Variants in NEBL observed in about 807,000 individuals in gnomAD.
NEBL encodes the protein LIM and SH3 protein 2.
In NEBL, 122 loss-of-function variants were observed where a neutral mutation model predicts 140.2. The ratio of observed to expected loss-of-function variants is 0.87; its 90% CI spans 0.75 to 1.01. The LOEUF (loss-of-function observed/expected upper bound fraction) is 1.01, where lower values mean the gene tolerates loss of function less well. Among genes scored for constraint, NEBL ranks in the 50% least tolerant of loss-of-function variants. NEBL has a pLI of 0.00. For missense variants in NEBL, 1,365 were observed against 1,231.3 expected (o/e 1.11, Z -1.62); for synonymous variants, 436 against 398.9 (o/e 1.09, Z -1.11).
chr10:21,144,778 C>T (rs1448681882), intron 2 of NEBL, among the ~76,000 whole-genome samples: 3 of 151,874 alleles, frequency 2.0e-5, no homozygotes, highest in African/African-American at 7.3e-5. Context: ...AGCCAGGTTC[C>T]AACCCAAGCC....
At chr10:21,284,780 A>G (rs1308201421) in intron 1 of NEBL, among the ~76,000 whole-genome samples, 1 of 152,136 alleles carries the variant, frequency 6.6e-6, no homozygotes, top group African/African-American at 2.4e-5. Context: ...ACTAATAAAG[A>G]CATGAAAACC....
intron 1 of NEBL, among the ~76,000 whole-genome samples, chr10:21,283,174 C>T (rs1041584170): frequency 1.3e-5 from 2 of 150,780 alleles, no homozygotes; most frequent in Non-Finnish European, 2.9e-5. Flanking sequence ...AAGAAGCCAG[C>T]TAAAACCCAC....
Position 21,166,650 on chromosome 10 carries a change from G to A in NEBL, c.164+5733C>T, listed in dbSNP as rs543608865. 3.2e-3 allele frequency among the ~76,000 whole-genome samples: 488 copies of A among 152,294 alleles called. 2 individuals carry two copies. The highest frequency in any genetic ancestry group is 5.7e-3 in the Non-Finnish European group (391 of 68,030). Reference sequence around the variant, plus strand: ...TTTGTTACTTCTCATACAGCCCTGTGGGTTTAGTATTACTGTGCCCATTTG... The same window carrying A: ...TTTGTTACTTCTCATACAGCCCTGTAGGTTTAGTATTACTGTGCCCATTTG... On this transcript the variant is annotated intron_variant, in intron 2 of 6. Transcript: ENST00000417816.
rs576684895 is a variant in NEBL, at chr10:20,843,019, T to C, written c.1228-2170A>G. ...GGCATCATAGTCGTTATGAACTAAATGTTTCTGTCCCACCAAAACCCGTAT... is the reference window on the plus strand; with the variant it reads ...GGCATCATAGTCGTTATGAACTAAACGTTTCTGTCCCACCAAAACCCGTAT... On this transcript the variant is annotated intron_variant, in intron 12 of 27. Transcript: ENST00000377122. Among the ~76,000 whole-genome samples, 4 of 152,204 alleles carry C rather than the reference T, an allele frequency of 2.6e-5. 1 individual carries two copies. Among genetic ancestry groups the C allele is most frequent in the African/African-American group, 4.8e-5 (2 of 41,540 alleles).
At chr10:21,100,413 C>A (rs1341924739) in intron 2 of NEBL, among the ~76,000 whole-genome samples, 1 of 152,182 alleles carries the variant, frequency 6.6e-6, no homozygotes, top group Non-Finnish European at 1.5e-5. Context: ...TGCGGGCTGC[C>A]GCAGTTGTTA....
chr10:20,999,162 G>GA (rs1221089029), intron 3 of NEBL, among the ~76,000 whole-genome samples: 3,541 of 136,126 alleles, frequency 0.026, 114 homozygotes, highest in African/African-American at 0.079. Flanking sequence ...TGTGTGGGGG[G>GA]AAAAAAAAAA....
chr10:21,195,054 T>C (rs1339303556), intron 3 of NEBL, among the ~76,000 whole-genome samples: 3 of 152,156 alleles, frequency 2.0e-5, no homozygotes, highest in Non-Finnish European at 4.4e-5. Flanking sequence ...ACGGGAGTCA[T>C]TGAAACGACT....
At chr10:20,844,816 T>A (rs1430271683) in intron 12 of NEBL, among the ~76,000 whole-genome samples, 1 of 152,106 alleles carries the variant, frequency 6.6e-6, no homozygotes, top group Non-Finnish European at 1.5e-5. Flanking sequence ...AGAACTCTGG[T>A]CTTTTTCCTC....
chr10:20,974,572 T>C (rs186386703), intron 3 of NEBL, among the ~76,000 whole-genome samples: 161 of 152,252 alleles, frequency 1.1e-3, no homozygotes, highest in Middle Eastern at 6.8e-3. Context: ...TAAATAAAAA[T>C]ATATCATTAT....
intron 2 of NEBL, among the ~76,000 whole-genome samples, chr10:21,159,506 T>G (rs1006643252): frequency 6.6e-6 from 1 of 152,200 alleles, no homozygotes; most frequent in Non-Finnish European, 1.5e-5. Flanking sequence ...CGACCAATTC[T>G]TTTCCAAATT....
At chr10:20,810,739 C>G (rs371929683) in intron 24 of NEBL, among the ~76,000 whole-genome samples, 2 of 152,122 alleles carry the variant, frequency 1.3e-5, no homozygotes, top group Non-Finnish European at 2.9e-5. Context: ...AAAGAAAAAC[C>G]TAGTTATAGA....
At chr10:21,259,340 CCTACTTGGAGACGGCGAGGAA>C (rs1842706804) in intron 1 of NEBL, among the ~76,000 whole-genome samples, 1 of 152,060 alleles carries the variant, frequency 6.6e-6, no homozygotes, top group African/African-American at 2.4e-5. Flanking sequence ...TGTGCCCATC[CCTACTTGGAGACGGCGAGGAA>C]GAGAGCGAAT....
At chr10:20,853,880 G>C (rs1256694442) in intron 9 of NEBL, among the ~76,000 whole-genome samples, 2 of 152,134 alleles carry the variant, frequency 1.3e-5, no homozygotes, top group Non-Finnish European at 2.9e-5. Context: ...AAATAACTAA[G>C]AGTGGAATTG....
At chr10:20,934,631 G>A (rs568255443) in intron 4 of NEBL, among the ~76,000 whole-genome samples, 3 of 152,198 alleles carry the variant, frequency 2.0e-5, no homozygotes, top group South Asian at 2.1e-4. Context: ...CACTGGATAC[G>A]AGAGGTGCTA....
chr10:21,106,746 G>C (rs892793936), intron 2 of NEBL, among the ~76,000 whole-genome samples: 1 of 152,130 alleles, frequency 6.6e-6, no homozygotes, highest in African/African-American at 2.4e-5. Context: ...GCTTGATGGG[G>C]ATAGTATTGA....
chr10:21,207,137 C>G (rs960677734), intron 3 of NEBL, among the ~76,000 whole-genome samples: 1 of 151,922 alleles, frequency 6.6e-6, no homozygotes, highest in Non-Finnish European at 1.5e-5. Context: ...CCACGCCTGG[C>G]TAATTTTTGT....
Position 20,869,833 on chromosome 10 carries a change from A to G in NEBL, c.489T>C (p.Tyr163=), listed in dbSNP as rs141153708. Residue 163 remains tyrosine, a synonymous_variant, in exon 6 of 28, where the codon TAT becomes TAC. Transcript: ENST00000377122. The part of the protein sequence containing the change: ...EVNKHQSNIS[Y]RKDVQDTHTY... ...TGTGGGTGTCCTGCACGTCTTTCCT[A>G]TAAGAAATCTGATCAGAGACAGTTT... is the stretch of plus-strand genomic sequence containing the variant. 317 of 1,609,288 alleles carry G rather than the reference A, an allele frequency of 2.0e-4. No homozygotes were observed. The highest frequency in any genetic ancestry group is 7.6e-4 in the East Asian group (34 of 44,840).
intron 3 of NEBL, among the ~76,000 whole-genome samples, chr10:20,984,187 A>G (rs1337365359): frequency 6.6e-6 from 1 of 152,128 alleles, no homozygotes; most frequent in African/African-American, 2.4e-5. Flanking sequence ...GTACACCAAA[A>G]ACACATAGTA....
intron 2 of NEBL, among the ~76,000 whole-genome samples, chr10:21,028,235 C>CAAAAAAAAAAAAAAAAA (rs1168946872): frequency 4.5e-5 from 3 of 66,212 alleles, no homozygotes; most frequent in Admixed American, 2.0e-4. Flanking sequence ...TCAAACATCT[C>CAAAAAAAAAAAAAAAAA]AAAAAAAAAA....
Sources: gnomAD v4.1 joint callset for allele counts (sites outside exome capture counted in the v4.1 genomes callset) on GRCh38, gnomAD v4.1.1 for gene constraint, MANE v1.5 for transcripts, NCBI Gene and HGNC (gene_info 2026-07-23, HGNC 2026-07-21) for gene names.